EDA: variants seen among roughly 807,000 people sequenced by gnomAD.
EDA encodes ectodysplasin A, also known as ectodysplasin-A.
Under a neutral mutation model 23.6 loss-of-function variants are expected in EDA, and 2 were observed. The observed-to-expected ratio is 0.08, with a 90% CI of 0.03 to 0.27. EDA has a LOEUF of 0.27. Among genes scored for constraint, EDA ranks in the 10% least tolerant of loss-of-function variants. The probability of loss-of-function intolerance (pLI) is 1.00; values close to 1 mark genes in which losing one functional copy is unlikely to be tolerated. For missense variants in EDA, 229 were observed against 324.2 expected (o/e 0.71, Z 2.26); for synonymous variants, 131 against 132.0 (o/e 0.99, Z 0.05).
intron 1 of EDA, among the ~76,000 whole-genome samples, chrX:69,712,703 A>T (rs1348639728): frequency 9.0e-6 from 1 of 111,387 alleles, no homozygotes; most frequent in African/African-American, 3.3e-5. Context: ...CAGCCATCCC[A>T]TTACTGGGTA....
At chrX:69,755,213 A>G (rs753667714) in intron 1 of EDA, among the ~76,000 whole-genome samples, 2 of 111,274 alleles carry the variant, frequency 1.8e-5, no homozygotes, top group Non-Finnish European at 3.8e-5. Flanking sequence ...TTGGTCTTTG[A>G]TGATGGTGAC....
At chrX:69,657,005 G>A (rs1454339299) in intron 1 of EDA, among the ~76,000 whole-genome samples, 1 of 111,640 alleles carries the variant, frequency 9.0e-6, no homozygotes, top group Non-Finnish European at 1.9e-5. Flanking sequence ...TTTTCTTTGG[G>A]TATATACCCA....
chrX:69,915,590 C>CA lies in EDA; in HGVS notation c.397-41437_397-41436insA, dbSNP rs1569371995. The stretch of plus-strand genomic sequence containing the variant: ...TGCAATCCAGCCTGGGCAACAAGAG[C>CA]GAAAAAAAAAAAAGCATCATGACAG... On this transcript the variant is annotated intron_variant, in intron 1 of 7. Transcript: ENST00000374552. 9.1e-3 allele frequency among the ~76,000 whole-genome samples: 331 copies of CA among 36,359 alleles called. 11 individuals carry two copies. The South Asian group carries it at 0.21, about 23-fold the overall frequency. 31.6% of individuals were successfully genotyped at this position (36,359 alleles called of 115,157 possible).
chrX:69,660,876 G>A lies in EDA; in HGVS notation c.396+44172G>A, dbSNP rs1421306278. On this transcript the variant is annotated intron_variant, in intron 1 of 7. Coordinates refer to ENST00000374552, the MANE Select transcript of EDA (RefSeq NM_001399.5). ...ATACCTATCCAGTAATGGGATGGCT[G>A]GGTCAAATGGTATTTCTAGTTCTAG... 1.3e-4 allele frequency among the ~76,000 whole-genome samples: 15 copies of A among 111,378 alleles called. No individual in the cohort carries two copies. The Admixed American group carries it at 1.4e-3, about 11-fold the overall frequency.
chrX:69,719,344 A>AT (rs1235995943), intron 1 of EDA, among the ~76,000 whole-genome samples: 1 of 111,016 alleles, frequency 9.0e-6, no homozygotes, highest in South Asian at 3.8e-4. Context: ...TGTTTAACAC[A>AT]TTTTAAAAAA....
intron 1 of EDA, among the ~76,000 whole-genome samples, chrX:69,651,413 G>C (rs1933098958): frequency 9.4e-6 from 1 of 106,198 alleles, no homozygotes; most frequent in South Asian, 4.4e-4. Context: ...GGGGTTCAAG[G>C]TATATCTTGA....
chrX:69,851,624 TG>T (rs2017137012), intron 1 of EDA, among the ~76,000 whole-genome samples: 1 of 112,390 alleles, frequency 8.9e-6, no homozygotes, highest in Admixed American at 9.4e-5. Context: ...ATGTAAATCT[TG>T]TGACTCTATC....
At chrX:69,647,974 C>T (rs1270001315) in intron 1 of EDA, among the ~76,000 whole-genome samples, 2 of 111,303 alleles carry the variant, frequency 1.8e-5, no homozygotes, top group East Asian at 5.7e-4. Context: ...GCTGGTGGTC[C>T]ACTCCAGACT....
At chrX:69,731,481 G>A (rs1407498275) in intron 1 of EDA, among the ~76,000 whole-genome samples, 6 of 106,819 alleles carry the variant, frequency 5.6e-5, no homozygotes, top group Admixed American at 1.0e-4. Context: ...TCATTCTGTC[G>A]CCCAGGCTGG....
intron 1 of EDA, among the ~76,000 whole-genome samples, chrX:69,855,879 C>T (rs1279599697): frequency 3.6e-5 from 4 of 110,721 alleles, no homozygotes; most frequent in Non-Finnish European, 7.6e-5. Context: ...TATTTTTTTG[C>T]TCAGCATTTT....
Position 69,672,064 on chromosome X carries a change from A to G in EDA, c.396+55360A>G, listed in dbSNP as rs569659281. Among the ~76,000 whole-genome samples the G allele has an allele frequency of 1.1e-4, 12 of 112,267 alleles. No individual in the cohort carries two copies. In the South Asian group the frequency reaches 3.3e-3, roughly 31 times the overall value. The stretch of plus-strand genomic sequence containing the variant: ...TAAATATTTATTTATTGAACAGTGA[A>G]TAATAGCACTTCTGCCAATTGGTAA... On this transcript the variant is annotated intron_variant, in intron 1 of 7. Transcript: ENST00000374552.
chrX:69,909,897 A>G (rs1013998705), intron 1 of EDA, among the ~76,000 whole-genome samples: 5 of 111,440 alleles, frequency 4.5e-5, no homozygotes, highest in Non-Finnish European at 7.5e-5. Context: ...CTATAAACGT[A>G]TACAATTTTT....
intron 1 of EDA, among the ~76,000 whole-genome samples, chrX:69,771,517 T>A (rs2014639600): frequency 9.0e-6 from 1 of 111,560 alleles, no homozygotes; most frequent in Non-Finnish European, 1.9e-5. Context: ...TTGCAGTGCC[T>A]GGTGTGAGGG....
intron 1 of EDA, among the ~76,000 whole-genome samples, chrX:69,635,566 CTTTTT>C (rs138087284): frequency 6.3e-5 from 4 of 63,460 alleles, no homozygotes; most frequent in Admixed American, 4.1e-4. Context: ...AACACCAAAT[CTTTTT>C]TTTTTTTTTT....
chrX:69,714,935 A>C (rs1339733363), intron 1 of EDA, among the ~76,000 whole-genome samples: 4 of 110,337 alleles, frequency 3.6e-5, no homozygotes, highest in African/African-American at 1.3e-4. Flanking sequence ...CCTTGTTAGG[A>C]TTTTTATAGG....
intron 1 of EDA, among the ~76,000 whole-genome samples, chrX:69,856,233 T>C (rs2017244824): frequency 9.6e-6 from 1 of 104,299 alleles, no homozygotes; most frequent in Non-Finnish European, 2.0e-5. Context: ...CATTCCTTTT[T>C]ATGGCTGAGT....
intron 1 of EDA, among the ~76,000 whole-genome samples, chrX:69,792,329 A>T (rs970020392): frequency 8.9e-6 from 1 of 112,217 alleles, no homozygotes; most frequent in African/African-American, 3.2e-5. Context: ...GTGGTGTTCC[A>T]TGGTGCATAT....
chrX:69,664,666 T>TTGTGTG (rs35371760), intron 1 of EDA, among the ~76,000 whole-genome samples: 6,599 of 103,973 alleles, frequency 0.063, 191 homozygotes, highest in Middle Eastern at 0.088. Context: ...TAATATTTCA[T>TTGTGTG]TGTGTGTGTG....
intron 1 of EDA, among the ~76,000 whole-genome samples, chrX:69,866,759 A>G (rs2017492334): frequency 8.9e-6 from 1 of 112,059 alleles, no homozygotes; most frequent in African/African-American, 3.2e-5. Context: ...CTGTCAATCC[A>G]GCTGCTTCAG....
Sources: gnomAD v4.1 joint callset for allele counts (sites outside exome capture counted in the v4.1 genomes callset) on GRCh38, gnomAD v4.1.1 for gene constraint, MANE v1.5 for transcripts, NCBI Gene and HGNC (gene_info 2026-07-23, HGNC 2026-07-21) for gene names.